CCDC39: variants seen among roughly 807,000 people sequenced by gnomAD.
CCDC39 encodes the protein coiled-coil domain-containing protein 39.
In CCDC39, 113 loss-of-function variants were observed where a neutral mutation model predicts 121.0. The observed-to-expected ratio is 0.93, with a 90% CI of 0.80 to 1.09. The LOEUF is 1.09. Ranked by LOEUF, CCDC39 falls within the 50% of genes least tolerant of loss-of-function variation. The probability of loss-of-function intolerance (pLI) is 0.00; values close to 1 mark genes in which losing one functional copy is unlikely to be tolerated. For missense variants in CCDC39, 1,063 were observed against 1,074.7 expected (o/e 0.99, Z 0.15); for synonymous variants, 349 against 352.2 (o/e 0.99, Z 0.10).
intron 15 of CCDC39, among the ~76,000 whole-genome samples, 192 bp downstream of exon 15, chr3:180,619,619 A>G (rs1717368055): frequency 6.8e-6 from 1 of 147,326 alleles, no homozygotes; most frequent in Non-Finnish European, 1.5e-5. Context: ...ATCCTGAACT[A>G]ATAATGGAAG....
At chr3:180,653,927 T>A (rs1267492147) in intron 7 of CCDC39, among the ~76,000 whole-genome samples, 3 of 152,124 alleles carry the variant, frequency 2.0e-5, no homozygotes, top group African/African-American at 7.2e-5. Context: ...TTCATATTTT[T>A]AAAATTTGTT....
At chr3:180,647,630 AC>A (rs1490778081) in intron 10 of CCDC39, among the ~76,000 whole-genome samples, 1 of 152,130 alleles carries the variant, frequency 6.6e-6, no homozygotes, top group Non-Finnish European at 1.5e-5. Context: ...TCAAATATGA[AC>A]ATCTAATTAA....
intron 13 of CCDC39, among the ~76,000 whole-genome samples, chr3:180,634,573 G>T (rs1005259260): frequency 3.9e-5 from 6 of 152,132 alleles, no homozygotes; most frequent in African/African-American, 1.4e-4. Flanking sequence ...AGTTGGGAAA[G>T]AAACATAAAC....
At chr3:180,623,478 G>A (rs1006090842) in intron 14 of CCDC39, among the ~76,000 whole-genome samples, 2 of 151,608 alleles carry the variant, frequency 1.3e-5, no homozygotes, top group Non-Finnish European at 2.9e-5. Flanking sequence ...TATTGCTTTT[G>A]TTCTGCTAAC....
Position 180,616,498 on chromosome 3 carries a change from TAGAAG to T in CCDC39, c.2586+13_2586+17del. On this transcript the variant is annotated intron_variant, in intron 18 of 19. Coordinates refer to ENST00000476379, the MANE Select transcript of CCDC39 (RefSeq NM_181426.2). Reference sequence around the variant, plus strand: ...CATGAAGTTTTTAAGAAATATTTAATAGAAGGTGCTGTATTACCTGTTGAAAGTAT... The same window carrying T: ...CATGAAGTTTTTAAGAAATATTTAATGTGCTGTATTACCTGTTGAAAGTAT... The T allele has an allele frequency of 6.6e-7, 1 of 1,515,244 alleles. No individual in the cohort carries two copies. Among genetic ancestry groups the T allele is most frequent in the Non-Finnish European group, 8.8e-7 (1 of 1,131,700 alleles). 93.9% of individuals were successfully genotyped at this position (1,515,244 alleles called of 1,614,324 possible). A position where few individuals can be genotyped will look rare whatever the true frequency, so the allele number is the denominator to read the frequency against.
At chr3:180,658,626 C>T (rs941827798) in intron 6 of CCDC39, among the ~76,000 whole-genome samples, 6 of 151,934 alleles carry the variant, frequency 3.9e-5, no homozygotes, top group Non-Finnish European at 8.8e-5. Flanking sequence ...TTAAGAGAAC[C>T]TCATAGTTAA....
chr3:180,625,286 T>G (rs1717531139), intron 14 of CCDC39, among the ~76,000 whole-genome samples: 1 of 151,968 alleles, frequency 6.6e-6, no homozygotes, highest in Admixed American at 6.5e-5. Flanking sequence ...AGGTCTGAGA[T>G]TCTCTCTGTT....
intron 1 of CCDC39, among the ~76,000 whole-genome samples, chr3:180,671,672 T>C (rs932883466): frequency 7.9e-5 from 12 of 152,190 alleles, no homozygotes; most frequent in Non-Finnish European, 8.8e-5. Context: ...GCGATTGTCC[T>C]TCCTCAGCCT....
At chr3:180,638,215 AAAAC>A (rs1259094562) in intron 13 of CCDC39, among the ~76,000 whole-genome samples, 9 of 152,302 alleles carry the variant, frequency 5.9e-5, no homozygotes, top group East Asian at 5.8e-4. Context: ...TTCCAGAAAG[AAAAC>A]AAACAAAGCC....
chr3:180,670,115 T>C, intron 1 of CCDC39, among the ~76,000 whole-genome samples: 1 of 152,134 alleles, frequency 6.6e-6, no homozygotes, highest in East Asian at 1.9e-4. Flanking sequence ...CATGTTCTAA[T>C]GCAGAGGAAC....
At chr3:180,664,199 A>C (rs557122260) in intron 1 of CCDC39, among the ~76,000 whole-genome samples, 1 of 152,210 alleles carries the variant, frequency 6.6e-6, no homozygotes, top group Non-Finnish European at 1.5e-5. Context: ...GTCCAGGATC[A>C]AGGTGCCAAC....
rs57838737 is a variant in CCDC39, at chr3:180,660,614, G to C, written c.472C>G (p.Leu158Val). The change falls in exon 4 of 20, where the codon CTC becomes GTC. Residue 158 changes from leucine (L) to valine (V), a missense_variant. Transcript: ENST00000476379. ...TGTTGTGCATACTTCTGGAGAGTGAGAGCATCACTATCTTTATGAGCTGAT... is the reference window on the plus strand; with the variant it reads ...TGTTGTGCATACTTCTGGAGAGTGACAGCATCACTATCTTTATGAGCTGAT... ...EESAHKDSDA[L>V]TLQKYAQQDD... 11,782 of 1,601,418 alleles carry C rather than the reference G, an allele frequency of 7.4e-3. 733 individuals carry two copies. The African/African-American group carries it at 0.13, about 18-fold the overall frequency.
chr3:180,670,272 A>G (rs1712001531), intron 1 of CCDC39, among the ~76,000 whole-genome samples: 1 of 151,960 alleles, frequency 6.6e-6, no homozygotes, highest in Admixed American at 6.6e-5. Flanking sequence ...TACAAGTATT[A>G]TCATGTAATT....
intron 2 of CCDC39, among the ~76,000 whole-genome samples, chr3:180,662,267 A>C (rs1401593816): frequency 2.0e-5 from 3 of 152,156 alleles, no homozygotes; most frequent in African/African-American, 7.2e-5. Flanking sequence ...ACGCTGGTCT[A>C]GGAAAACTAA....
intron 1 of CCDC39, among the ~76,000 whole-genome samples, chr3:180,668,008 G>A (rs563919116): frequency 6.6e-6 from 1 of 152,266 alleles, no homozygotes; most frequent in Admixed American, 6.5e-5. Flanking sequence ...AGGTTCAGGC[G>A]AAGGCAGGTT....
Position 180,616,621 on chromosome 3 carries a change from T to C in CCDC39, c.2481A>G (p.Lys827=). The C allele has an allele frequency of 6.3e-7, 1 of 1,596,278 alleles. No homozygotes were observed. The highest frequency in any genetic ancestry group is 8.5e-7 in the Non-Finnish European group (1 of 1,170,950). Residue 827 remains lysine (K), a synonymous_variant, in exon 18 of 20, where the codon AAA becomes AAG. Coordinates refer to ENST00000476379, the MANE Select transcript of CCDC39 (RefSeq NM_181426.2). ...KDETMEEQDI[K]LREMKQFHKV... is the part of the protein sequence containing the mutation. ...TGTGAAACTGTTTCATTTCACGAAG[T>C]TTGATGTCTTGTTCTTCCATTGTTT... is the stretch of plus-strand genomic sequence containing the variant.
At chr3:180,645,517 A>G (rs1410921294) in intron 11 of CCDC39, among the ~76,000 whole-genome samples, 1 of 151,970 alleles carries the variant, frequency 6.6e-6, no homozygotes, top group Non-Finnish European at 1.5e-5. Context: ...ATTTCTCTGA[A>G]GTATTGGGAC....
intron 1 of CCDC39, among the ~76,000 whole-genome samples, chr3:180,671,070 G>A (rs1166629182): frequency 6.6e-6 from 1 of 151,952 alleles, no homozygotes; most frequent in Non-Finnish European, 1.5e-5. Context: ...AAACTAGCTA[G>A]GTGTGGTGGT....
intron 1 of CCDC39, among the ~76,000 whole-genome samples, chr3:180,667,529 A>G (rs1186560668): frequency 6.6e-6 from 1 of 152,080 alleles, no homozygotes; most frequent in Non-Finnish European, 1.5e-5. Flanking sequence ...GTGATCAGTG[A>G]GCGTCGATGT....
Sources: gnomAD v4.1 joint callset for allele counts (sites outside exome capture counted in the v4.1 genomes callset) on GRCh38, gnomAD v4.1.1 for gene constraint, MANE v1.5 for transcripts, NCBI Gene and HGNC (gene_info 2026-07-23, HGNC 2026-07-21) for gene names.